Variants in ZNF43 observed in about 807,000 individuals in gnomAD.
ZNF43 encodes the protein zinc finger protein 39-like 1 (KOX 27).
In ZNF43, 44 loss-of-function variants were observed where a neutral mutation model predicts 68.4. The ratio of observed to expected loss-of-function variants is 0.64; its 90% CI spans 0.51 to 0.83. ZNF43 has a LOEUF of 0.83. Among genes scored for constraint, ZNF43 ranks in the 40% least tolerant of loss-of-function variants. The pLI is 0.00. For synonymous variants in ZNF43, 308 were observed against 307.8 expected (o/e 1.00, Z -0.01); for missense variants, 896 against 933.2 (o/e 0.96, Z 0.52).
At chr19:21,849,802 C>T (rs1371608065) in intron 1 of ZNF43, 1 of 152,092 alleles carries the variant, frequency 6.6e-6, no homozygotes, top group Non-Finnish European at 1.5e-5. Context: ...GGATAATACT[C>T]ATAACCCTAA....
Position 21,807,542 on chromosome 19 carries a change from G to A in ZNF43, c.*65C>T, listed in dbSNP as rs2036995049. ...TGTAAATTATCTTACCTACAATCAA[G>A]TGTGACAACCATGTAAAGCCTTTAT... On this transcript the variant is annotated 3_prime_UTR_variant, in exon 4 of 4. Coordinates refer to ENST00000354959, the MANE Select transcript of ZNF43 (RefSeq NM_003423.4). The A allele has an allele frequency of 1.4e-6, 2 of 1,385,656 alleles. No homozygotes were observed. The highest frequency in any genetic ancestry group is 1.5e-5 in the African/African-American group (1 of 68,936). 85.8% of individuals were successfully genotyped at this position (1,385,656 alleles called of 1,614,324 possible).
chr19:21,824,305 G>A (rs1486509816), intron 1 of ZNF43, among the ~76,000 whole-genome samples: 2 of 152,078 alleles, frequency 1.3e-5, no homozygotes, highest in African/African-American at 4.8e-5. Context: ...GTATTTTATG[G>A]GTAGGTATAG....
rs1262051977 is a variant in ZNF43 at position 21,807,914 on chromosome 19, CA to C, written c.2122del (p.Cys708ValfsTer88). The C allele has an allele frequency of 1.3e-5, 21 of 1,612,850 alleles. No individual in the cohort carries two copies. Among genetic ancestry groups the C allele is most frequent in the Non-Finnish European group, 1.7e-5 (20 of 1,179,772 alleles). ...IIHTGEKPYK[C>X]EKCGKAFNRS... ...GTTAAAAGCTTTGCCACATTTTTCACATTTGTAGGGTTTCTCTCCAGTATGA... is the reference window on the plus strand; with the variant it reads ...GTTAAAAGCTTTGCCACATTTTTCACTTTGTAGGGTTTCTCTCCAGTATGA... On this transcript the variant is annotated frameshift_variant, in exon 4 of 4. Transcript: ENST00000354959. LOFTEE classifies it high-confidence loss of function.
At chr19:21,817,580 T>A (rs1474430803) in intron 3 of ZNF43, among the ~76,000 whole-genome samples, 1 of 152,176 alleles carries the variant, frequency 6.6e-6, no homozygotes, top group African/African-American at 2.4e-5. Context: ...TATGCAGATA[T>A]TTGTGTGTCC....
chr19:21,821,257 C>T (rs758473414), intron 1 of ZNF43, among the ~76,000 whole-genome samples: 2 of 151,298 alleles, frequency 1.3e-5, no homozygotes, highest in South Asian at 2.1e-4. Flanking sequence ...GTCATTCTCC[C>T]GCCTCAGCCT....
chr19:21,807,854 T>C lies in ZNF43; in HGVS notation c.2183A>G (p.His728Arg). Residue 728 changes from histidine to arginine, a missense_variant, in exon 4 of 4, where the codon CAT becomes CGT. Physicochemically the swap from His to Arg is conservative, Grantham distance 29 (BLOSUM62 0). Coordinates refer to ENST00000354959, the MANE Select transcript of ZNF43 (RefSeq NM_003423.4). The stretch of plus-strand genomic sequence containing the variant: ...ACATTTGTAGGGTTGCTCTCCAGTA[T>C]GAATTTTCTTATGTTCAATAAGGTT... The part of the protein sequence containing the change: ...SSNLIEHKKI[H>R]TGEQPYKCEE... The C allele has an allele frequency of 1.2e-6, 2 of 1,613,340 alleles. No homozygotes were observed. Among genetic ancestry groups the C allele is most frequent in the Non-Finnish European group, 8.5e-7 (1 of 1,179,756 alleles).
In ZNF43 at chr19:21,808,670, C is replaced by T. The variant is rs558384217; in HGVS notation, c.1367G>A (p.Cys456Tyr). 4.3e-6 allele frequency: 7 copies of T among 1,613,490 alleles called. No homozygotes were observed. In the East Asian group the frequency reaches 1.6e-4, roughly 36 times the overall value. The change falls in exon 4 of 4, where the codon TGT becomes TAT. Residue 456 changes from cysteine to tyrosine, a missense_variant. Coordinates refer to ENST00000354959, the MANE Select transcript of ZNF43 (RefSeq NM_003423.4). ...RIHTGEKPYK[C>Y]EVCGKAFNQF... ...GTTAAAGGCTTTGCCACATACTTCA[C>T]ATTTGTAGGGTTTCTCTCCAGTATG... is the stretch of plus-strand genomic sequence containing the variant.
chr19:21,836,187 G>C (rs371937417), upstream of ZNF43: 7 of 1,500,538 alleles, frequency 4.7e-6, no homozygotes, highest in East Asian at 4.9e-5. Flanking sequence ...AGAGACAAAG[G>C]CCCCGCCACA....
chr19:21,841,814 G>A (rs1020182200), intron 1 of ZNF43, among the ~76,000 whole-genome samples: 1 of 152,202 alleles, frequency 6.6e-6, no homozygotes, highest in Non-Finnish European at 1.5e-5. Flanking sequence ...ATAAACAAAT[G>A]ACATGTCATA....
intron 3 of ZNF43, among the ~76,000 whole-genome samples, chr19:21,816,597 G>A (rs2037538941): frequency 6.6e-6 from 1 of 152,098 alleles, no homozygotes; most frequent in African/African-American, 2.4e-5. Context: ...AGGCCTGGAG[G>A]AAGATACTGG....
chr19:21,821,024 T>C (rs2037814116), intron 1 of ZNF43, among the ~76,000 whole-genome samples: 2 of 151,606 alleles, frequency 1.3e-5, no homozygotes, highest in South Asian at 4.2e-4. Flanking sequence ...TTAGTAGAGA[T>C]GGGTTTCATT....
At chr19:21,821,138 AT>A (rs74174043) in intron 1 of ZNF43, among the ~76,000 whole-genome samples, 20,205 of 118,500 alleles carry the variant, frequency 0.17, 1,830 homozygotes, top group Non-Finnish European at 0.22. Flanking sequence ...CCCGGCTGTA[AT>A]TTTTTTTTTT....
At chr19:21,833,107 C>T (rs1328013846) in intron 1 of ZNF43, among the ~76,000 whole-genome samples, 1 of 152,040 alleles carries the variant, frequency 6.6e-6, no homozygotes, top group Admixed American at 6.6e-5. Flanking sequence ...TTTGTACAGC[C>T]AAATAAAATA....
intron 3 of ZNF43, among the ~76,000 whole-genome samples, chr19:21,817,544 T>C (rs538536516): frequency 1.3e-5 from 2 of 152,164 alleles, no homozygotes; most frequent in African/African-American, 2.4e-5. Flanking sequence ...ACTTAAAAAA[T>C]AGTTTAATAT....
In ZNF43 at chr19:21,843,295, A is replaced by G. The variant is rs1967665136; in HGVS notation, c.30+8610T>C. The G allele has an allele frequency of 1.7e-5, 15 of 895,450 alleles. 1 individual carries two copies. In the South Asian group the frequency reaches 7.7e-4, roughly 46 times the overall value. 55.5% of individuals were successfully genotyped at this position (895,450 alleles called of 1,614,324 possible). ...CAGGCAGGAGAGTCAAATCGCTCAC[A>G]TTCTGAGCAGAGGTATGTGTCACAA... On this transcript the variant is annotated intron_variant, in intron 1 of 3. Transcript: ENST00000357491.
intron 1 of ZNF43, chr19:21,841,701 G>C (rs1251879013): frequency 6.6e-6 from 1 of 152,156 alleles, no homozygotes; most frequent in Middle Eastern, 3.2e-3. Flanking sequence ...CAATACAAGG[G>C]GCCCAGGTTA....
chr19:21,807,668 T>C lies in ZNF43; in HGVS notation c.2369A>G (p.Tyr790Cys), dbSNP rs1462946775. ...HNKIHTGEKL[Y>C]KPEDVTVILT... ...AATCACTGTCACATCTTCAGGTTTGTAGAGTTTCTCTCCAGTATGAATTTT... is the reference window on the plus strand; with the variant it reads ...AATCACTGTCACATCTTCAGGTTTGCAGAGTTTCTCTCCAGTATGAATTTT... Residue 790 changes from tyrosine to cysteine, a missense_variant, in exon 4 of 4, where the codon TAC becomes TGC. Tyr to Cys is a radical substitution (Grantham distance 194). Transcript: ENST00000354959. 2.5e-6 allele frequency: 4 copies of C among 1,597,352 alleles called. No homozygotes were observed. The highest frequency in any genetic ancestry group is 2.7e-5 in the African/African-American group (2 of 74,170).
At chr19:21,838,277 C>G (rs1257802982), upstream of ZNF43, among the ~76,000 whole-genome samples, 1 of 152,052 alleles carries the variant, frequency 6.6e-6, no homozygotes, top group African/African-American at 2.4e-5. Context: ...ATTTTGGCAT[C>G]AAGAGATTTA....
At chr19:21,845,144 T>C (rs1967868224) in intron 1 of ZNF43, among the ~76,000 whole-genome samples, 1 of 151,644 alleles carries the variant, frequency 6.6e-6, no homozygotes, top group African/African-American at 2.4e-5. Flanking sequence ...TTACACCACC[T>C]GGGTGCAGGG....
Sources: gnomAD v4.1 joint callset for allele counts (sites outside exome capture counted in the v4.1 genomes callset) on GRCh38, gnomAD v4.1.1 for gene constraint, MANE v1.5 for transcripts, NCBI Gene and HGNC (gene_info 2026-07-23, HGNC 2026-07-21) for gene names.